MINK1: variants seen among roughly 807,000 people sequenced by gnomAD.
The protein encoded by MINK1 is misshapen like kinase 1, also known as misshapen-like kinase 1.
MINK1 carries 46 observed loss-of-function variants against 178.4 expected under a neutral mutation model. That is an observed-to-expected ratio of 0.26 (90% CI 0.20 to 0.33). The LOEUF (loss-of-function observed/expected upper bound fraction) is 0.33, where lower values mean the gene tolerates loss of function less well. Among genes scored for constraint, MINK1 ranks in the 10% least tolerant of loss-of-function variants. The probability of loss-of-function intolerance (pLI) is 1.00; values close to 1 mark genes in which losing one functional copy is unlikely to be tolerated. For synonymous variants in MINK1, 797 were observed against 709.7 expected (o/e 1.12, Z -1.96); for missense variants, 1,366 against 1,814.9 (o/e 0.75, Z 4.49).
At position 4,887,733 on chromosome 17, in the gene MINK1, G is replaced by A; in HGVS notation, c.1173G>A (p.Leu391=). The change falls in exon 12 of 32, where the codon CTG becomes CTA. Residue 391 remains leucine, a synonymous_variant. Coordinates refer to ENST00000355280, the MANE Select transcript of MINK1 (RefSeq NM_153827.5). This position sits in a 1 kb window ranked among gnomAD's most constrained non-coding sequence, Gnocchi z 7.6. Reference sequence around the variant, plus strand: ...CCGAGGCACACATCAAACACCTGCTGCACCAGCGGCAGCGGCGCATAGAGG... The same window carrying A: ...CCGAGGCACACATCAAACACCTGCTACACCAGCGGCAGCGGCGCATAGAGG... ...RDPEAHIKHL[L]HQRQRRIEEQ... The A allele has an allele frequency of 6.4e-7, 1 of 1,551,126 alleles. No individual in the cohort carries two copies. Among genetic ancestry groups the A allele is most frequent in the Non-Finnish European group, 8.7e-7 (1 of 1,148,188 alleles).
At position 4,889,743 on chromosome 17, in the gene MINK1, C is replaced by T. The variant is rs1219566950; in HGVS notation, c.1327C>T (p.Arg443Trp). Residue 443 changes from arginine to tryptophan, a missense_variant, in exon 13 of 32, where the codon CGG (arginine) becomes TGG (tryptophan). Transcript: ENST00000355280. ...MQALRREEER[R>W]QAEREQEYKR... is the part of the protein sequence containing the mutation. ...GGCTCTGCGGCGGGAGGAGGAGCGG[C>T]GGCAGGCGGAGCGCGAGCAGGTAGA... 1.9e-6 allele frequency: 3 copies of T among 1,543,164 alleles called. No individual in the cohort carries two copies. In the African/African-American group the frequency reaches 4.1e-5, roughly 21 times the overall value.
intron 20 of MINK1, 70 bp from the exon 21 acceptor site, chr17:4,893,364 C>G (rs1039117768): frequency 6.2e-7 from 1 of 1,611,146 alleles, no homozygotes; most frequent in Non-Finnish European, 8.5e-7. Flanking sequence ...GCTGGGGTGT[C>G]CCGGCACCCT....
rs1187865504 is a variant in MINK1 at position 4,897,501 on chromosome 17, G to C, written c.*214G>C. Reference sequence around the variant, plus strand: ...ATGTCCTCTTCCCAAAACTGTGCCTGTCCCCAGCTTCTGGGGAGGGACACA... The same window carrying C: ...ATGTCCTCTTCCCAAAACTGTGCCTCTCCCCAGCTTCTGGGGAGGGACACA... On this transcript the variant is annotated 3_prime_UTR_variant, in exon 32 of 32. Coordinates refer to ENST00000355280, the MANE Select transcript of MINK1 (RefSeq NM_153827.5). The C allele has an allele frequency of 1.9e-6, 1 of 533,514 alleles. No homozygotes were observed. Among genetic ancestry groups the C allele is most frequent in the South Asian group, 2.3e-5 (1 of 42,658 alleles). 33.0% of individuals were successfully genotyped at this position (533,514 alleles called of 1,614,324 possible). A position where few individuals can be genotyped will look rare whatever the true frequency, so the allele number is the denominator to read the frequency against.
intron 1 of MINK1, among the ~76,000 whole-genome samples, chr17:4,839,519 T>A (rs912659557): frequency 2.0e-5 from 3 of 152,180 alleles, no homozygotes; most frequent in Admixed American, 6.6e-5. Context: ...CAGAGTATAG[T>A]AAGATACAAA....
rs1597586763 is a variant in MINK1, at chr17:4,894,927, C to T, written c.2918-148C>T. 7 of 860,074 alleles carry T rather than the reference C, an allele frequency of 8.1e-6. No individual in the cohort carries two copies. The South Asian group carries it at 8.5e-5, about 10-fold the overall frequency. 53.3% of individuals were successfully genotyped at this position (860,074 alleles called of 1,614,324 possible). ...TTGACTCCAAGTCCAGCACTCTATC[C>T]CCCTCTCCCATGCACCTCCTCTCCT... On this transcript the variant is annotated intron_variant, in intron 24 of 31. Coordinates refer to ENST00000355280, the MANE Select transcript of MINK1 (RefSeq NM_153827.5). This position sits in a 1 kb window ranked among gnomAD's most constrained non-coding sequence, Gnocchi z 4.1.
chr17:4,874,009 C>G (rs773039553), intron 1 of MINK1, among the ~76,000 whole-genome samples: 1 of 152,078 alleles, frequency 6.6e-6, no homozygotes, highest in East Asian at 1.9e-4. Flanking sequence ...CACAGAGGCA[C>G]ACGACTAGTG....
intron 1 of MINK1, among the ~76,000 whole-genome samples, chr17:4,849,227 CT>C (rs1181645559): frequency 6.6e-6 from 1 of 152,120 alleles, no homozygotes; most frequent in East Asian, 1.9e-4. Flanking sequence ...CCTGTTTGTC[CT>C]GACTCAGGAA....
At position 4,889,744 on chromosome 17, in the gene MINK1, G is replaced by A. The variant is rs1275456934; in HGVS notation, c.1328G>A (p.Arg443Gln). 4 of 1,542,610 alleles carry A rather than the reference G, an allele frequency of 2.6e-6. No homozygotes were observed. The highest frequency in any genetic ancestry group is 1.4e-5 in the African/African-American group (1 of 72,886). ...GCTCTGCGGCGGGAGGAGGAGCGGC[G>A]GCAGGCGGAGCGCGAGCAGGTAGAG... Reference protein sequence around the residue: ...MQALRREEERRQAEREQEYKR... With the variant: ...MQALRREEERQQAEREQEYKR... The change falls in exon 13 of 32, where the codon CGG becomes CAG. Residue 443 changes from arginine to glutamine, a missense_variant. Transcript: ENST00000355280.
chr17:4,872,985 C>T (rs994551295), intron 1 of MINK1, among the ~76,000 whole-genome samples: 2 of 152,174 alleles, frequency 1.3e-5, no homozygotes, highest in African/African-American at 2.4e-5. Context: ...CTCCAGCCCC[C>T]GCTGTCTGCC....
rs776673302 is a variant in MINK1 at position 4,895,319 on chromosome 17, CCT to C, written c.3086-28_3086-27del. ...CTGGTTAGGTGAGGGCCTGGCTGAG[CCT>C]CTGACCTGCCCAAGGGCTCCTGTTG... On this transcript the variant is annotated intron_variant, in intron 25 of 31. Coordinates refer to ENST00000355280, the MANE Select transcript of MINK1 (RefSeq NM_153827.5). This position sits in a 1 kb window ranked among gnomAD's most constrained non-coding sequence, Gnocchi z 4.3. 1.2e-6 allele frequency: 2 copies of C among 1,603,732 alleles called. No homozygotes were observed. Among genetic ancestry groups the C allele is most frequent in the South Asian group, 2.2e-5 (2 of 89,816 alleles).
chr17:4,854,228 C>G (rs554408939), intron 1 of MINK1, among the ~76,000 whole-genome samples: 10 of 152,222 alleles, frequency 6.6e-5, no homozygotes, highest in African/African-American at 1.4e-4. Context: ...CTCACTCCCT[C>G]CCCCACCACC....
chr17:4,887,690 A>T lies in MINK1; in HGVS notation c.1130A>T (p.Gln377Leu), dbSNP rs992035569. The change falls in exon 12 of 32, where the codon CAG (glutamine) becomes CTG (leucine). Residue 377 changes from glutamine to leucine, a missense_variant. By Grantham distance (113) the Gln-to-Leu change is moderately radical. Around this residue, in one of 14 missense-constraint regions of MINK1, gnomAD observed 56 missense variants for 64.0 expected, o/e 0.87. Transcript: ENST00000355280. The surrounding 1 kb of genome is among the most constrained non-coding windows in gnomAD (Gnocchi z 7.6). ...EALKQQQQLQ[Q>L]QQQRDPEAHI... ...TTAAAACAGCAGCAGCAGCTGCAGC[A>T]GCAGCAGCAGCGAGACCCCGAGGCA... is the stretch of plus-strand genomic sequence containing the variant. 1.2e-5 allele frequency: 19 copies of T among 1,560,788 alleles called. No homozygotes were observed. Among genetic ancestry groups the T allele is most frequent in the African/African-American group, 6.8e-5 (5 of 73,206 alleles).
intron 1 of MINK1, among the ~76,000 whole-genome samples, chr17:4,858,094 T>C (rs1173486389): frequency 6.6e-6 from 1 of 152,160 alleles, no homozygotes; most frequent in Non-Finnish European, 1.5e-5. Flanking sequence ...TAAAGCTCCA[T>C]TTGCATAGCA....
Position 4,897,387 on chromosome 17 carries a change from T to G in MINK1, c.*100T>G, listed in dbSNP as rs1278149141. 1 of 1,132,966 alleles carries G rather than the reference T, an allele frequency of 8.8e-7. No individual in the cohort carries two copies. Among genetic ancestry groups the G allele is most frequent in the African/African-American group, 1.6e-5 (1 of 64,402 alleles). 70.2% of individuals were successfully genotyped at this position (1,132,966 alleles called of 1,614,324 possible). A position where few individuals can be genotyped will look rare whatever the true frequency, so the allele number is the denominator to read the frequency against. On this transcript the variant is annotated 3_prime_UTR_variant, in exon 32 of 32. Transcript: ENST00000355280. ...CTTTCCCCTCCCTGGGCTTTTGCTT[T>G]TACTGGTTTGATTTCACTGGAGCCT...
chr17:4,894,572 G>C lies in MINK1; in HGVS notation c.2856G>C (p.Thr952=), dbSNP rs776800606. 6.2e-7 allele frequency: 1 copy of C among 1,609,248 alleles called. No homozygotes were observed. The highest frequency in any genetic ancestry group is 1.3e-5 in the African/African-American group (1 of 74,848). ...AGGCCCCTGGCAAGAGCTCGTTCAC[G>C]ATGTTTGTGGATCTAGGGATCTACC... ...LVKAPGKSSF[T]MFVDLGIYQP... Residue 952 remains threonine, a synonymous_variant, in exon 24 of 32, where the codon ACG becomes ACC. Coordinates refer to ENST00000355280, the MANE Select transcript of MINK1 (RefSeq NM_153827.5). This position sits in a 1 kb window ranked among gnomAD's most constrained non-coding sequence, Gnocchi z 4.1.
At position 4,893,007 on chromosome 17, in the gene MINK1, G is replaced by A. The variant is rs1193385303; in HGVS notation, c.2340G>A (p.Val780=). The A allele has an allele frequency of 1.3e-6, 2 of 1,579,142 alleles. No homozygotes were observed. Among genetic ancestry groups the A allele is most frequent in the Non-Finnish European group, 1.7e-6 (2 of 1,164,112 alleles). ...CCTCCAAACCGGACAGCTCCCCTGTGCTCTCCCCTGGGAATAAAGCCAAGC... is the reference window on the plus strand; with the variant it reads ...CCTCCAAACCGGACAGCTCCCCTGTACTCTCCCCTGGGAATAAAGCCAAGC... ...GVSSKPDSSP[V]LSPGNKAKPD... Residue 780 remains valine (V), a synonymous_variant, in exon 20 of 32, where the codon GTG becomes GTA. Coordinates refer to ENST00000355280, the MANE Select transcript of MINK1 (RefSeq NM_153827.5).
In MINK1 at chr17:4,897,216, T is replaced by G; in HGVS notation, c.3928T>G (p.Ser1310Ala). The change falls in exon 32 of 32, where the codon TCA becomes GCA. Residue 1310 changes from serine to alanine, a missense_variant. Around this residue, in one of 14 missense-constraint regions of MINK1, gnomAD observed 201 missense variants for 240.7 expected, o/e 0.84. Coordinates refer to ENST00000355280, the MANE Select transcript of MINK1 (RefSeq NM_153827.5). Reference protein sequence around the residue: ...CERNDKVFFASVRSGGSSQVY... With the variant: ...CERNDKVFFAAVRSGGSSQVY... ...CTGCCCCACCCAGGTGTTTTTTGCCTCAGTCCGCTCTGGGGGCAGCAGCCA... is the reference window on the plus strand; with the variant it reads ...CTGCCCCACCCAGGTGTTTTTTGCCGCAGTCCGCTCTGGGGGCAGCAGCCA... 6.2e-7 allele frequency: 1 copy of G among 1,613,596 alleles called. No individual in the cohort carries two copies. Among genetic ancestry groups the G allele is most frequent in the South Asian group, 1.1e-5 (1 of 91,040 alleles).
intron 1 of MINK1, chr17:4,857,247 G>T: frequency 4.0e-6 from 1 of 248,550 alleles, no homozygotes; most frequent in South Asian, 4.4e-5. Context: ...CCACATGACA[G>T]ACATGGCCAT....
At position 4,886,487 on chromosome 17, in the gene MINK1, C is replaced by T. The variant is rs769899079; in HGVS notation, c.810C>T (p.Leu270=). Reference sequence around the variant, plus strand: ...TCATTGACTTCATTGACACATGTCTCATCAAGACTTACCTGAGCCGCCCAC... The same window carrying T: ...TCATTGACTTCATTGACACATGTCTTATCAAGACTTACCTGAGCCGCCCAC... The part of the protein sequence containing the change: ...KKFIDFIDTC[L]IKTYLSRPPT... The change falls in exon 10 of 32, where the codon CTC becomes CTT. Residue 270 remains leucine, a synonymous_variant. Coordinates refer to ENST00000355280, the MANE Select transcript of MINK1 (RefSeq NM_153827.5). This position sits in a 1 kb window ranked among gnomAD's most constrained non-coding sequence, Gnocchi z 6.1. The T allele has an allele frequency of 4.3e-6, 7 of 1,612,408 alleles. No individual in the cohort carries two copies. Among genetic ancestry groups the T allele is most frequent in the Non-Finnish European group, 5.9e-6 (7 of 1,179,134 alleles).
Sources: allele counts gnomAD v4.1 joint callset (sites outside exome capture counted in the v4.1 genomes callset), GRCh38; gene constraint gnomAD v4.1.1; regional missense constraint gnomAD v4.1.1; non-coding constraint Gnocchi (gnomAD v3.1); transcripts MANE v1.5; gene names NCBI Gene and HGNC (gene_info 2026-07-23, HGNC 2026-07-21).